The following CEP128 variants were observed in gnomAD, a reference collection of about 807,000 sequenced individuals.
CEP128 encodes the protein centrosomal protein 128.
A neutral mutation model predicts 156.7 loss-of-function variants in CEP128; 132 were observed. The observed-to-expected ratio is 0.84, with a 90% CI of 0.73 to 0.97. The LOEUF (loss-of-function observed/expected upper bound fraction) is 0.97. Among genes scored for constraint, CEP128 ranks in the 50% least tolerant of loss-of-function variants. The pLI, the probability that CEP128 is intolerant of heterozygous loss-of-function variation, is 0.00. For missense variants in CEP128, 1,252 were observed against 1,281.9 expected (o/e 0.98, Z 0.36); for synonymous variants, 469 against 448.9 (o/e 1.04, Z -0.57).
chr14:80,588,347 G>T (rs1282451911), intron 19 of CEP128, among the ~76,000 whole-genome samples: 3 of 151,954 alleles, frequency 2.0e-5, no homozygotes, highest in African/African-American at 4.8e-5. Context: ...TTTATATCTG[G>T]TACATCACAA....
At chr14:80,854,470 T>C (rs569209438) in intron 9 of CEP128, among the ~76,000 whole-genome samples, 3 of 152,268 alleles carry the variant, frequency 2.0e-5, no homozygotes, top group East Asian at 1.9e-4. Flanking sequence ...ATATAGTCTA[T>C]ATACATCAGT....
At chr14:80,856,282 G>A (rs1429866516) in intron 9 of CEP128, among the ~76,000 whole-genome samples, 2 of 152,060 alleles carry the variant, frequency 1.3e-5, no homozygotes, top group Non-Finnish European at 2.9e-5. Context: ...AAGGCATCTA[G>A]ATCATATGTA....
At chr14:80,950,218 G>T (rs1886433843) in intron 2 of CEP128, among the ~76,000 whole-genome samples, 1 of 152,074 alleles carries the variant, frequency 6.6e-6, no homozygotes, top group African/African-American at 2.4e-5. Flanking sequence ...GAACAGTCAA[G>T]GAAACATCCA....
Position 80,604,568 on chromosome 14 carries a change from T to C in CEP128, c.2807-24145A>G, listed in dbSNP as rs1324821151. 2.6e-5 allele frequency among the ~76,000 whole-genome samples: 4 copies of C among 152,118 alleles called. No individual in the cohort carries two copies. The East Asian group carries it at 7.7e-4, about 29-fold the overall frequency. ...CCTGACCTTCACTACATAGACAATA[T>C]ATAACATTATTCGAATCTCAGCTTA... On this transcript the variant is annotated intron_variant, in intron 19 of 24. Transcript: ENST00000555265.
At chr14:80,603,876 T>C (rs1456090837) in intron 19 of CEP128, among the ~76,000 whole-genome samples, 1 of 152,166 alleles carries the variant, frequency 6.6e-6, no homozygotes, top group Non-Finnish European at 1.5e-5. Flanking sequence ...ATAGTAATAT[T>C]GCTTCTCCCT....
chr14:80,624,401 C>T (rs1048361336), intron 19 of CEP128, among the ~76,000 whole-genome samples: 1 of 152,134 alleles, frequency 6.6e-6, no homozygotes, highest in African/African-American at 2.4e-5. Flanking sequence ...GTGCAGGTAC[C>T]TCTTCGATAT....
intron 13 of CEP128, among the ~76,000 whole-genome samples, chr14:80,809,701 T>A (rs945114447): frequency 2.6e-5 from 4 of 151,902 alleles, no homozygotes; most frequent in Admixed American, 2.6e-4. Context: ...CAAGAGGGAA[T>A]GGGAAGATAT....
chr14:80,541,457 A>T (rs1463946528), intron 21 of CEP128, among the ~76,000 whole-genome samples: 1 of 150,598 alleles, frequency 6.6e-6, no homozygotes, highest in Non-Finnish European at 1.5e-5. Flanking sequence ...AAAAAAAAAA[A>T]AAAAAAAACC....
chr14:80,668,316 A>G (rs1895709468), intron 19 of CEP128, among the ~76,000 whole-genome samples: 1 of 152,354 alleles, frequency 6.6e-6, no homozygotes, highest in Admixed American at 6.5e-5. Context: ...ACATTTTGAA[A>G]GAATAAGAAA....
Position 80,836,295 on chromosome 14 carries a change from G to C in CEP128, c.967C>G (p.Arg323Gly). The change falls in exon 12 of 25, where the codon CGA becomes GGA. Residue 323 changes from arginine (R) to glycine (G), a missense_variant. Coordinates refer to ENST00000555265, the MANE Select transcript of CEP128 (RefSeq NM_152446.5). The part of the protein sequence containing the change: ...RTQLTKAEGD[R>G]KGLQHQVSQI... ...GATACTTGATGCTGTAAACCCTTTCGATCACCTTCTGCTTTCGTAAGTTGT... is the reference window on the plus strand; with the variant it reads ...GATACTTGATGCTGTAAACCCTTTCCATCACCTTCTGCTTTCGTAAGTTGT... 3 of 1,613,902 alleles carry C rather than the reference G, an allele frequency of 1.9e-6. No homozygotes were observed. The highest frequency in any genetic ancestry group is 1.7e-6 in the Non-Finnish European group (2 of 1,179,916).
chr14:80,846,639 C>T (rs557552153), intron 9 of CEP128, among the ~76,000 whole-genome samples: 2 of 152,184 alleles, frequency 1.3e-5, no homozygotes, highest in East Asian at 3.9e-4. Context: ...AAATGAGGAA[C>T]TGAATGGAGC....
chr14:80,498,332 G>A (rs530145207), intron 24 of CEP128, among the ~76,000 whole-genome samples: 4 of 152,016 alleles, frequency 2.6e-5, no homozygotes, highest in African/African-American at 7.2e-5. Flanking sequence ...GCTCCCTTAC[G>A]ATCCTTTCTC....
chr14:80,529,158 T>C (rs1458209583), intron 22 of CEP128, among the ~76,000 whole-genome samples: 1 of 152,164 alleles, frequency 6.6e-6, no homozygotes, highest in Non-Finnish European at 1.5e-5. Flanking sequence ...ATCTATAGAG[T>C]ATCTCTGAAG....
chr14:80,595,879 T>C (rs909869906), intron 19 of CEP128, among the ~76,000 whole-genome samples: 2 of 152,034 alleles, frequency 1.3e-5, no homozygotes, highest in Non-Finnish European at 2.9e-5. Context: ...ACTCCCCTTA[T>C]AAAACCATCG....
At position 80,935,454 on chromosome 14, in the gene CEP128, G is replaced by A. The variant is rs181231450; in HGVS notation, c.-16+3931C>T. 3.0e-3 allele frequency among the ~76,000 whole-genome samples: 456 copies of A among 151,900 alleles called. 1 individual carries two copies. Among genetic ancestry groups the A allele is most frequent in the Non-Finnish European group, 3.9e-3 (266 of 67,970 alleles). ...TAATCCCTGCTATTTGAGAGGCTGA[G>A]GCAGGAGAATTGTTTGAACCCAGAA... On this transcript the variant is annotated intron_variant, in intron 2 of 24. Coordinates refer to ENST00000555265, the MANE Select transcript of CEP128 (RefSeq NM_152446.5).
intron 9 of CEP128, among the ~76,000 whole-genome samples, chr14:80,857,639 G>A (rs1887255325): frequency 6.6e-6 from 1 of 151,570 alleles, no homozygotes; most frequent in African/African-American, 2.4e-5. Context: ...TACAAGGGAG[G>A]CTGAGGTGGC....
chr14:80,890,408 A>G (rs1889037668), intron 8 of CEP128, among the ~76,000 whole-genome samples: 1 of 152,230 alleles, frequency 6.6e-6, no homozygotes, highest in African/African-American at 2.4e-5. Context: ...TGGATAAAGA[A>G]AATGTGGCAC....
At chr14:80,618,127 T>C (rs1328940228) in intron 19 of CEP128, among the ~76,000 whole-genome samples, 1 of 152,236 alleles carries the variant, frequency 6.6e-6, no homozygotes, top group Non-Finnish European at 1.5e-5. Flanking sequence ...GTATGCAACA[T>C]TCCCATTTAT....
At chr14:80,915,920 C>T (rs551514768) in intron 3 of CEP128, among the ~76,000 whole-genome samples, 40 of 152,312 alleles carry the variant, frequency 2.6e-4, no homozygotes, top group Admixed American at 6.5e-4. Flanking sequence ...ATACCTTACA[C>T]GGCAAAAGGG....
Sources: gnomAD v4.1 joint callset for allele counts (sites outside exome capture counted in the v4.1 genomes callset) on GRCh38, gnomAD v4.1.1 for gene constraint, MANE v1.5 for transcripts, NCBI Gene and HGNC (gene_info 2026-07-23, HGNC 2026-07-21) for gene names.